The following CERK variants were observed in gnomAD, a reference collection of about 807,000 sequenced individuals.
The protein encoded by CERK is acylsphingosine kinase.
A neutral mutation model predicts 63.4 loss-of-function variants in CERK; 39 were observed. That is an observed-to-expected ratio of 0.61 (90% confidence interval 0.48 to 0.80). CERK has a LOEUF of 0.80. Ranked by LOEUF, CERK falls within the 30% of genes least tolerant of loss-of-function variation. The pLI, the probability that CERK is intolerant of heterozygous loss-of-function variation, is 0.00. For synonymous variants in CERK, 302 were observed against 280.0 expected, an observed-to-expected ratio of 1.08 and a Z score of -0.78; for missense variants, 670 against 714.1, an observed-to-expected ratio of 0.94 and a Z score of 0.70.
In CERK at chr22:46,699,304, C is replaced by G; in HGVS notation, c.943+9G>C. 6.2e-7 allele frequency: 1 copy of G among 1,614,028 alleles called. No homozygotes were observed. Among genetic ancestry groups the G allele is most frequent in the Non-Finnish European group, 8.5e-7 (1 of 1,179,894 alleles). On this transcript the variant is annotated intron_variant, in intron 8 of 12. Coordinates refer to ENST00000216264, the MANE Select transcript of CERK (RefSeq NM_022766.6). ...CAGCGGGGAGCGAGTCTGCATTATT[C>G]TGAGTTACCTGAAAAGTCGTATCTG... is the stretch of plus-strand genomic sequence containing the variant.
chr22:46,691,404 C>G (rs889100372), intron 11 of CERK, among the ~76,000 whole-genome samples, 168 bp downstream of exon 11: 4 of 151,600 alleles, frequency 2.6e-5, no homozygotes, highest in Non-Finnish European at 5.9e-5. Flanking sequence ...TGATATTTTA[C>G]AAGGAGTAGT....
chr22:46,690,431 C>T (rs995416451), intron 11 of CERK, among the ~76,000 whole-genome samples: 19 of 151,990 alleles, frequency 1.3e-4, no homozygotes, highest in South Asian at 4.1e-4. Flanking sequence ...CCACCTTCCC[C>T]GGCGCCTACC....
Position 46,687,119 on chromosome 22 carries a change from C to A in CERK, c.*15G>T, listed in dbSNP as rs200883885. The A allele has an allele frequency of 1.9e-6, 3 of 1,612,110 alleles. 1 individual carries two copies. The Admixed American group carries it at 5.0e-5, about 27-fold the overall frequency. Reference sequence around the variant, plus strand: ...TTTTCACACTTTCCCAGTTTGTGAGCAGGACGCCGGCTTCTCAGCTGTGTG... The same window carrying A: ...TTTTCACACTTTCCCAGTTTGTGAGAAGGACGCCGGCTTCTCAGCTGTGTG... On this transcript the variant is annotated 3_prime_UTR_variant, in exon 13 of 13. Coordinates refer to ENST00000216264, the MANE Select transcript of CERK (RefSeq NM_022766.6).
intron 1 of CERK, 118 bp downstream of exon 1, chr22:46,737,889 G>A (rs2082983227): frequency 1.5e-6 from 1 of 687,202 alleles, no homozygotes; most frequent in East Asian, 5.4e-5. Flanking sequence ...GCGCTCCCAG[G>A]GCCCCCGGCC....
intron 3 of CERK, 116 bp from the exon 4 acceptor site, chr22:46,712,409 T>C: frequency 1.2e-6 from 1 of 844,778 alleles, no homozygotes; most frequent in East Asian, 2.7e-5. Flanking sequence ...TATTACCTGA[T>C]GGAAAGTATT....
At chr22:46,693,304 T>TC in intron 10 of CERK, 123 bp downstream of exon 10, 1 of 756,222 alleles carries the variant, frequency 1.3e-6, no homozygotes, top group Non-Finnish European at 2.3e-6. Flanking sequence ...GGATGCCTGG[T>TC]GCCAGACAGG....
rs372649374 is a variant in CERK at position 46,713,534 on chromosome 22, C to A, written c.380-1241G>T. On this transcript the variant is annotated intron_variant, in intron 3 of 12. Coordinates refer to ENST00000216264, the MANE Select transcript of CERK (RefSeq NM_022766.6). ...AAAAAAAAAAAAAAAAAAAAACAAA[C>A]AAACAAAAAAACACAGACACAAATG... 9.5e-3 allele frequency among the ~76,000 whole-genome samples: 1,199 copies of A among 126,590 alleles called. 15 individuals carry two copies. The highest frequency in any genetic ancestry group is 0.028 in the African/African-American group (986 of 35,174). The allele number at this position is 126,590 out of a possible 152,430, so 83.0% of individuals were successfully genotyped here. A position where few individuals can be genotyped will look rare whatever the true frequency, so the allele number is the denominator to read the frequency against.
chr22:46,700,791 C>T (rs2082779512), intron 7 of CERK, among the ~76,000 whole-genome samples: 1 of 152,082 alleles, frequency 6.6e-6, no homozygotes, highest in Non-Finnish European at 1.5e-5. Context: ...GCGGGTGGAT[C>T]ACCTGAGGTC....
chr22:46,724,420 T>C (rs1187411118), intron 1 of CERK, among the ~76,000 whole-genome samples: 1 of 152,174 alleles, frequency 6.6e-6, no homozygotes, highest in African/African-American at 2.4e-5. Flanking sequence ...CCCCATGTTG[T>C]TTGAGGGTCA....
At chr22:46,723,340 C>T (rs570083101) in intron 1 of CERK, among the ~76,000 whole-genome samples, 59 of 152,256 alleles carry the variant, frequency 3.9e-4, no homozygotes, top group Non-Finnish European at 8.1e-4. Context: ...GAACACAGGG[C>T]GGACACAGTG....
chr22:46,704,985 G>C (rs1041184426), intron 6 of CERK, among the ~76,000 whole-genome samples: 4 of 152,216 alleles, frequency 2.6e-5, no homozygotes, highest in East Asian at 3.8e-4. Context: ...TACAAATAAA[G>C]AGAGTAAATA....
chr22:46,713,254 C>T (rs769700883), intron 3 of CERK, among the ~76,000 whole-genome samples: 1 of 152,006 alleles, frequency 6.6e-6, no homozygotes, highest in African/African-American at 2.4e-5. Context: ...CCTGTAATCC[C>T]AGCACTTTGG....
chr22:46,688,722 G>A (rs2082715457), intron 12 of CERK, among the ~76,000 whole-genome samples: 1 of 152,266 alleles, frequency 6.6e-6, no homozygotes, highest in African/African-American at 2.4e-5. Flanking sequence ...CTGACACCCA[G>A]CTTTCGTTGC....
At chr22:46,717,847 G>A (rs551283795) in intron 3 of CERK, among the ~76,000 whole-genome samples, 75 of 152,298 alleles carry the variant, frequency 4.9e-4, no homozygotes, top group African/African-American at 1.7e-3. Flanking sequence ...TTGGGAGGCC[G>A]AGGTAGGCGG....
At position 46,712,169 on chromosome 22, in the gene CERK, G is replaced by T. The variant is rs143245664; in HGVS notation, c.504C>A (p.Ile168=). ...FTLASITTDI[I]VTEHANQAKE... Reference sequence around the variant, plus strand: ...CATAGTTAACATAGAATTTGTTACCGATGATGTCAGTGGTGATGGAGGCTA... The same window carrying T: ...CATAGTTAACATAGAATTTGTTACCTATGATGTCAGTGGTGATGGAGGCTA... Residue 168 remains isoleucine (I), a splice_region_variant and synonymous_variant, in exon 4 of 13, where the codon ATC becomes ATA. Transcript: ENST00000216264. 16 of 1,613,986 alleles carry T rather than the reference G, an allele frequency of 9.9e-6. No individual in the cohort carries two copies. The highest frequency in any genetic ancestry group is 1.1e-5 in the Non-Finnish European group (13 of 1,179,930).
chr22:46,690,481 C>T (rs2082725205), intron 11 of CERK, among the ~76,000 whole-genome samples: 1 of 152,154 alleles, frequency 6.6e-6, no homozygotes, highest in Non-Finnish European at 1.5e-5. Context: ...GTCAAAATGA[C>T]TTCTAATGCT....
intron 3 of CERK, among the ~76,000 whole-genome samples, chr22:46,712,897 T>C (rs1449890356): frequency 6.8e-6 from 1 of 146,492 alleles, no homozygotes; most frequent in Non-Finnish European, 1.5e-5. Context: ...CAGGCTGGAG[T>C]GCAGTGGTGT....
Position 46,711,096 on chromosome 22 carries a change from T to G in CERK, c.559A>C (p.Lys187Gln). Reference sequence around the variant, plus strand: ...AGACGGCTTACTCACCCGTCGTATTTGTCTATGTTAATCTCATACAGAGTC... The same window carrying G: ...AGACGGCTTACTCACCCGTCGTATTGGTCTATGTTAATCTCATACAGAGTC... Reference protein sequence around the residue: ...KETLYEINIDKYDGIVCVGGD... With the variant: ...KETLYEINIDQYDGIVCVGGD... Residue 187 changes from lysine (K) to glutamine (Q), a missense_variant, in exon 5 of 13, where the codon AAA becomes CAA. Physicochemically the swap from Lys to Gln is moderately conservative, Grantham distance 53 (BLOSUM62 1). Coordinates refer to ENST00000216264, the MANE Select transcript of CERK (RefSeq NM_022766.6). 1 of 1,613,384 alleles carries G rather than the reference T, an allele frequency of 6.2e-7. No individual in the cohort carries two copies. Among genetic ancestry groups the G allele is most frequent in the Non-Finnish European group, 8.5e-7 (1 of 1,179,464 alleles).
In CERK at chr22:46,712,163, G is replaced by T; in HGVS notation, c.505+5C>A. The T allele has an allele frequency of 6.2e-7, 1 of 1,613,954 alleles. No individual in the cohort carries two copies. Among genetic ancestry groups the T allele is most frequent in the Non-Finnish European group, 8.5e-7 (1 of 1,179,946 alleles). ...CTTCTACATAGTTAACATAGAATTT[G>T]TTACCGATGATGTCAGTGGTGATGG... On this transcript the variant is annotated splice_donor_5th_base_variant and intron_variant, in intron 4 of 12. Coordinates refer to ENST00000216264, the MANE Select transcript of CERK (RefSeq NM_022766.6).
Sources: allele counts gnomAD v4.1 joint callset (sites outside exome capture counted in the v4.1 genomes callset), GRCh38; gene constraint gnomAD v4.1.1; transcripts MANE v1.5; gene names NCBI Gene and HGNC (gene_info 2026-07-23, HGNC 2026-07-21).